Variants in FBXL6 observed in about 807,000 individuals in gnomAD.
The protein encoded by FBXL6 is F-box and leucine rich repeat protein 6.
A neutral mutation model predicts 53.3 loss-of-function variants in FBXL6; 50 were observed. The ratio of observed to expected loss-of-function variants is 0.94; its 90% CI spans 0.75 to 1.19. FBXL6 has a LOEUF of 1.19. Among genes scored for constraint, FBXL6 ranks in the 50% most tolerant of loss-of-function variants. The pLI, the probability that FBXL6 is intolerant of heterozygous loss-of-function variation, is 0.00. For synonymous variants in FBXL6, 405 were observed against 322.9 expected (o/e 1.25, Z -2.73); for missense variants, 815 against 719.0 (o/e 1.13, Z -1.53).
At position 144,356,173 on chromosome 8, in the gene FBXL6, G is replaced by A. The variant is rs145211328; in HGVS notation, c.1267C>T (p.Arg423Trp). ...LHLGLYGTSD[R>W]LTLAKEGSPF... ...CTGCCCTCCTTGGCTAGAGTCAGCC[G>A]GTCTGACGTGCCATACAGGCCCAGA... Residue 423 changes from arginine to tryptophan, a missense_variant, in exon 8 of 9, where the codon CGG becomes TGG. Physicochemically the swap from Arg to Trp is moderately radical, Grantham distance 101. Coordinates refer to ENST00000331890, the MANE Select transcript of FBXL6 (RefSeq NM_012162.4). 73 of 1,612,686 alleles carry A rather than the reference G, an allele frequency of 4.5e-5. No individual in the cohort carries two copies. The highest frequency in any genetic ancestry group is 1.2e-4 in the Admixed American group (7 of 60,006).
At chr8:144,357,299 G>A (rs1429466898) in intron 3 of FBXL6, 140 bp downstream of exon 3, 12 of 1,269,524 alleles carry the variant, frequency 9.5e-6, no homozygotes, top group Admixed American at 2.3e-5. Context: ...GGAGGAAACA[G>A]CAGGAAAAGA....
At chr8:144,357,200 G>A (rs2130617534) in intron 3 of FBXL6, 79 bp from the exon 4 acceptor site, 1 of 1,576,288 alleles carries the variant, frequency 6.3e-7, no homozygotes, top group Non-Finnish European at 8.6e-7. Flanking sequence ...AGTGGCTGGT[G>A]CCAACCCCAC....
intron 3 of FBXL6, 122 bp downstream of exon 3, chr8:144,357,313 CCAGG>C: frequency 6.2e-6 from 8 of 1,284,784 alleles, no homozygotes; most frequent in East Asian, 2.5e-5. Context: ...GAAAAGAGAA[CCAGG>C]CAGGCAGGCA....
At chr8:144,357,857 AC>A (rs1818538429) in intron 1 of FBXL6, 71 bp from the exon 2 acceptor site, 6 of 1,442,274 alleles carry the variant, frequency 4.2e-6, no homozygotes, top group Non-Finnish European at 4.5e-6. Flanking sequence ...CGCAGTAGAC[AC>A]CCCGGCTCAA....
At chr8:144,356,765 C>A in intron 5 of FBXL6, 43 bp downstream of exon 5, 1 of 1,611,674 alleles carries the variant, frequency 6.2e-7, no homozygotes, top group South Asian at 1.1e-5. Context: ...CCTGGCAGTC[C>A]CCAGCTCAGC....
intron 8 of FBXL6, 75 bp downstream of exon 8, chr8:144,355,893 G>A (rs1818380388): frequency 3.1e-6 from 5 of 1,589,036 alleles, no homozygotes; most frequent in Non-Finnish European, 4.3e-6. Flanking sequence ...GGCCAGGCAG[G>A]ACACAACTTC....
At chr8:144,357,271 C>T (rs1365535553) in intron 3 of FBXL6, 150 bp from the exon 4 acceptor site, 5 of 1,268,190 alleles carry the variant, frequency 3.9e-6, no homozygotes, top group Middle Eastern at 2.7e-4. Flanking sequence ...GTGTCCCCGC[C>T]TCTGATACCT....
Position 144,356,153 on chromosome 8 carries a change from C to T in FBXL6, c.1287G>A (p.Glu429=), listed in dbSNP as rs371851542. ...ACTTCTGGGTCAAAAAGGGGCTGCC[C>T]TCCTTGGCTAGAGTCAGCCGGTCTG... ...GTSDRLTLAK[E]GSPFLTQKWC... Residue 429 remains glutamate (E), a synonymous_variant, in exon 8 of 9, where the codon GAG becomes GAA. Coordinates refer to ENST00000331890, the MANE Select transcript of FBXL6 (RefSeq NM_012162.4). 2 of 1,612,986 alleles carry T rather than the reference C, an allele frequency of 1.2e-6. No homozygotes were observed. The highest frequency in any genetic ancestry group is 8.5e-7 in the Non-Finnish European group (1 of 1,180,030).
At chr8:144,358,010 G>A (rs1186533095) in intron 1 of FBXL6, 22 bp downstream of exon 1, 2 of 1,576,352 alleles carry the variant, frequency 1.3e-6, no homozygotes, top group Non-Finnish European at 1.7e-6. Flanking sequence ...ACGCTCGGCG[G>A]CGGGCCCGGC....
Position 144,356,061 on chromosome 8 carries a change from G to A in FBXL6, c.1379C>T (p.Ala460Val). 1 of 1,612,966 alleles carries A rather than the reference G, an allele frequency of 6.2e-7. No homozygotes were observed. Among genetic ancestry groups the A allele is most frequent in the South Asian group, 1.1e-5 (1 of 91,082 alleles). Residue 460 changes from alanine (A) to valine (V), a missense_variant, in exon 8 of 9, where the codon GCC becomes GTC. By Grantham distance (64) the Ala-to-Val change is moderately conservative. Transcript: ENST00000331890. ...QGFSEKDLEQ[A>V]LAAFLSTPGG... The stretch of plus-strand genomic sequence containing the variant: ...AGGGGTGCTTAAGAAGGCAGCCAGG[G>A]CCTGCTCCAGGTCCTTCTCACTGAA...
Position 144,355,698 on chromosome 8 carries a change from C to T in FBXL6, c.1473-20G>A. The T allele has an allele frequency of 6.2e-7, 1 of 1,609,190 alleles. No homozygotes were observed. Among genetic ancestry groups the T allele is most frequent in the Non-Finnish European group, 8.5e-7 (1 of 1,178,910 alleles). On this transcript the variant is annotated intron_variant, in intron 8 of 8. Coordinates refer to ENST00000331890, the MANE Select transcript of FBXL6 (RefSeq NM_012162.4). ...ACAGAGCTGTGGGGAGGGCAGACCA[C>T]AGGAAGTTGAGCTGTTGCCTCAGAA...
rs368413712 is a variant in FBXL6 at position 144,357,478 on chromosome 8, G to C, written c.600C>G (p.Thr200=). The C allele has an allele frequency of 1.9e-5, 31 of 1,613,240 alleles. No homozygotes were observed. The highest frequency in any genetic ancestry group is 2.6e-5 in the Non-Finnish European group (31 of 1,179,894). ...GTACCTGAGACTTCCAGTGGATGAG[G>C]GTCAGCCTCTGGAGCTGTGAAAACC... ...PNRFSQLQRL[T]LIHWKSQVHP... Residue 200 remains threonine (T), a synonymous_variant, in exon 3 of 9, where the codon ACC becomes ACG. Transcript: ENST00000331890.
At position 144,357,655 on chromosome 8, in the gene FBXL6, G is replaced by T. The variant is rs1554853193; in HGVS notation, c.548C>A (p.Ala183Asp). 1.7e-5 allele frequency: 28 copies of T among 1,610,668 alleles called. No individual in the cohort carries two copies. Among genetic ancestry groups the T allele is most frequent in the Non-Finnish European group, 2.4e-5 (28 of 1,178,558 alleles). Residue 183 changes from alanine (A) to aspartate (D), a missense_variant, in exon 2 of 9, where the codon GCT (alanine) becomes GAT (aspartate). Coordinates refer to ENST00000331890, the MANE Select transcript of FBXL6 (RefSeq NM_012162.4). ...ATTGGGCATAAGCCACTCCAGGGAA[G>T]CAAGGAGCTTCTTCTCCGCCTTGAC... ...GGVKAEKKLLASLEWLMPNRF... is the reference protein window; with the variant it reads ...GGVKAEKKLLDSLEWLMPNRF...
chr8:144,355,809 C>G (rs553908814), intron 8 of FBXL6, 131 bp from the exon 9 acceptor site: 2 of 1,517,444 alleles, frequency 1.3e-6, no homozygotes, highest in East Asian at 4.7e-5. Flanking sequence ...AGCCCAGTTC[C>G]CCTGGTGTCC....
Position 144,357,728 on chromosome 8 carries a change from T to C in FBXL6, c.475A>G (p.Thr159Ala). ...EAASQPALWH[T>A]VTLSSPLVGR... ...ACCAGCGGGGACGACAGGGTCACGG[T>C]GTGCCAGAGCGCGGGTTGGGAAGCG... The change falls in exon 2 of 9, where the codon ACC becomes GCC. Residue 159 changes from threonine (T) to alanine (A), a missense_variant. Physicochemically the swap from Thr to Ala is moderately conservative, Grantham distance 58. Transcript: ENST00000331890. 6.2e-7 allele frequency: 1 copy of C among 1,606,306 alleles called. No homozygotes were observed. Among genetic ancestry groups the C allele is most frequent in the South Asian group, 1.1e-5 (1 of 90,594 alleles).
intron 3 of FBXL6, 55 bp downstream of exon 3, chr8:144,357,384 A>C: frequency 6.4e-7 from 1 of 1,557,306 alleles, no homozygotes; most frequent in Non-Finnish European, 8.7e-7. Context: ...TTCCTAGAGT[A>C]CTGAACAGTC....
At position 144,356,392 on chromosome 8, in the gene FBXL6, C is replaced by G; in HGVS notation, c.1133G>C (p.Arg378Pro). 1 of 1,511,106 alleles carries G rather than the reference C, an allele frequency of 6.6e-7. No homozygotes were observed. The highest frequency in any genetic ancestry group is 8.9e-7 in the Non-Finnish European group (1 of 1,128,640). 93.6% of individuals were successfully genotyped at this position (1,511,106 alleles called of 1,614,324 possible). ...CNFVSNEVLG[R>P]LLHGSPNLRL... Reference sequence around the variant, plus strand: ...CAGGTTGGGAGAGCCGTGGAGTAGGCGGCCCAGGACCTCGTTGCTCACAAA... The same window carrying G: ...CAGGTTGGGAGAGCCGTGGAGTAGGGGGCCCAGGACCTCGTTGCTCACAAA... Residue 378 changes from arginine (R) to proline (P), a missense_variant, in exon 7 of 9, where the codon CGC (arginine) becomes CCC (proline). Arg to Pro is a moderately radical substitution (Grantham distance 103). Transcript: ENST00000331890.
rs782500969 is a variant in FBXL6 at position 144,358,143 on chromosome 8, G to A, written c.305C>T (p.Thr102Met). 1.4e-5 allele frequency: 21 copies of A among 1,551,368 alleles called. No individual in the cohort carries two copies. The South Asian group carries it at 2.0e-4, about 15-fold the overall frequency. Residue 102 changes from threonine (T) to methionine (M), a missense_variant, in exon 1 of 9, where the codon ACG becomes ATG. Thr to Met is a moderately conservative substitution (Grantham distance 81, BLOSUM62 -1). Coordinates refer to ENST00000331890, the MANE Select transcript of FBXL6 (RefSeq NM_012162.4). The stretch of plus-strand genomic sequence containing the variant: ...GCCCGCGTCGGGCCCTTCCTCGGGC[G>A]TGGGCGTGGGTGCCGGTGCGGGTGC... ...APAPAPAPTP[T>M]PEEGPDAGWG...
At chr8:144,355,946 G>C in intron 8 of FBXL6, 22 bp downstream of exon 8, 1 of 1,608,954 alleles carries the variant, frequency 6.2e-7, no homozygotes, top group Non-Finnish European at 8.5e-7. Context: ...TGGCTCCAGG[G>C]ACTGGGGTAG....
Sources: gnomAD v4.1 joint callset for allele counts on GRCh38, gnomAD v4.1.1 for gene constraint, MANE v1.5 for transcripts, NCBI Gene and HGNC (gene_info 2026-07-23, HGNC 2026-07-21) for gene names.